Variants in PXDNL observed in about 807,000 individuals in gnomAD.
PXDNL encodes the protein peroxidasin like, also known as probable oxidoreductase PXDNL.
Under a neutral mutation model 150.8 loss-of-function variants are expected in PXDNL, and 145 were observed. The observed-to-expected ratio is 0.96, with a 90% CI of 0.84 to 1.10. PXDNL has a LOEUF of 1.10. Ranked by LOEUF, PXDNL falls within the 50% of genes least tolerant of loss-of-function variation. PXDNL has a pLI of 0.00. For missense variants in PXDNL, 2,087 were observed against 1,873.9 expected (o/e 1.11, Z -2.10); for synonymous variants, 757 against 725.7 (o/e 1.04, Z -0.69).
chr8:51,687,254 C>T (rs987743719), intron 1 of PXDNL, among the ~76,000 whole-genome samples: 8 of 152,112 alleles, frequency 5.3e-5, no homozygotes, highest in African/African-American at 1.7e-4. Context: ...TTGTCAACCA[C>T]CCTTCTCTAA....
At chr8:51,401,997 C>G (rs1808261259) in intron 17 of PXDNL, among the ~76,000 whole-genome samples, 1 of 152,082 alleles carries the variant, frequency 6.6e-6, no homozygotes, top group Admixed American at 6.5e-5. Flanking sequence ...GAAGGAAAAG[C>G]CAAGCCCACA....
rs1474281369 is a variant in PXDNL at position 51,340,429 on chromosome 8, A to G, written c.4017-676T>C. ...TGTATTGTTAAAAATATTTTTAGATAGATTTGATTTATTGGGTATGATATC... is the reference window on the plus strand; with the variant it reads ...TGTATTGTTAAAAATATTTTTAGATGGATTTGATTTATTGGGTATGATATC... On this transcript the variant is annotated intron_variant, in intron 20 of 22. Transcript: ENST00000356297. Among the ~76,000 whole-genome samples the G allele has an allele frequency of 2.6e-5, 4 of 152,230 alleles. No individual in the cohort carries two copies. The South Asian group carries it at 6.2e-4, about 24-fold the overall frequency.
intron 1 of PXDNL, among the ~76,000 whole-genome samples, chr8:51,757,861 TC>T (rs1753814964): frequency 6.6e-6 from 1 of 152,206 alleles, no homozygotes; most frequent in African/African-American, 2.4e-5. Context: ...ATTTTTGTCT[TC>T]TATTTCTAGC....
chr8:51,484,175 G>T (rs575565995), intron 5 of PXDNL, among the ~76,000 whole-genome samples: 3 of 151,926 alleles, frequency 2.0e-5, no homozygotes, highest in South Asian at 2.1e-4. Flanking sequence ...GGTGGCTCAC[G>T]CCTGTAATCC....
chr8:51,389,268 T>A (rs899069745), intron 17 of PXDNL, among the ~76,000 whole-genome samples: 10 of 152,176 alleles, frequency 6.6e-5, no homozygotes, highest in Admixed American at 6.5e-5. Context: ...GTTTTTCATG[T>A]TAATTTATCT....
rs1329510335 is a variant in PXDNL, at chr8:51,447,165, G to A, written c.1367-3C>T. ...GCCTTCCACAGGGAGCTGCCCTCCTGCAAAAAGAGGTAAAGAAAGTATTCT... is the reference window on the plus strand; with the variant it reads ...GCCTTCCACAGGGAGCTGCCCTCCTACAAAAAGAGGTAAAGAAAGTATTCT... On this transcript the variant is annotated splice_polypyrimidine_tract_variant and splice_region_variant and intron_variant, in intron 11 of 22. Coordinates refer to ENST00000356297, the MANE Select transcript of PXDNL (RefSeq NM_144651.5). 6 of 1,610,430 alleles carry A rather than the reference G, an allele frequency of 3.7e-6. No individual in the cohort carries two copies. Among genetic ancestry groups the A allele is most frequent in the African/African-American group, 1.3e-5 (1 of 74,614 alleles).
chr8:51,558,872 G>A (rs1208087431), intron 3 of PXDNL, among the ~76,000 whole-genome samples: 1 of 152,058 alleles, frequency 6.6e-6, no homozygotes, highest in Non-Finnish European at 1.5e-5. Context: ...TGAGATAGCA[G>A]AGTTTGCAGC....
chr8:51,589,390 T>C (rs1454607155), intron 3 of PXDNL, among the ~76,000 whole-genome samples: 2 of 152,166 alleles, frequency 1.3e-5, no homozygotes, highest in African/African-American at 4.8e-5. Flanking sequence ...AAACCCTAGA[T>C]TGCCATGAAC....
intron 1 of PXDNL, among the ~76,000 whole-genome samples, chr8:51,733,812 A>AATATATATATATATATATAT (rs9298461): frequency 2.6e-4 from 36 of 138,384 alleles, no homozygotes; most frequent in African/African-American, 9.2e-4. Context: ...TGTCTCAAAT[A>AATATATATATATATATATAT]ATATATATAT....
chr8:51,490,574 G>A (rs959797920), intron 5 of PXDNL, among the ~76,000 whole-genome samples: 20 of 150,528 alleles, frequency 1.3e-4, no homozygotes, highest in South Asian at 2.1e-4. Flanking sequence ...ATGAATGGAC[G>A]AAATATGTAT....
chr8:51,660,278 A>G (rs1413379514), intron 1 of PXDNL, among the ~76,000 whole-genome samples: 1 of 152,192 alleles, frequency 6.6e-6, no homozygotes, highest in Non-Finnish European at 1.5e-5. Context: ...TTGAAATACT[A>G]TGTGTAGCTG....
intron 8 of PXDNL, among the ~76,000 whole-genome samples, chr8:51,463,441 T>C (rs751259691): frequency 2.9e-4 from 44 of 152,170 alleles, no homozygotes; most frequent in Non-Finnish European, 1.3e-4. Context: ...AGATTTCTCA[T>C]GTAATTGGAA....
At chr8:51,363,071 C>T (rs1806804658) in intron 19 of PXDNL, among the ~76,000 whole-genome samples, 1 of 152,132 alleles carries the variant, frequency 6.6e-6, no homozygotes, top group Non-Finnish European at 1.5e-5. Context: ...CAGAATCAAG[C>T]CCAACATGAC....
chr8:51,337,175 G>A (rs1805853252), intron 21 of PXDNL, among the ~76,000 whole-genome samples: 1 of 152,004 alleles, frequency 6.6e-6, no homozygotes, highest in Non-Finnish European at 1.5e-5. Context: ...TGCAGTCTTG[G>A]GGTATGTTTA....
intron 3 of PXDNL, among the ~76,000 whole-genome samples, chr8:51,567,768 A>G (rs1469632033): frequency 2.6e-5 from 4 of 151,782 alleles, no homozygotes; most frequent in Non-Finnish European, 5.9e-5. Flanking sequence ...AAATCTGTAG[A>G]TGCTCAAGTT....
intron 2 of PXDNL, among the ~76,000 whole-genome samples, chr8:51,651,304 G>A (rs1439684391): frequency 3.9e-5 from 6 of 152,174 alleles, no homozygotes; most frequent in Non-Finnish European, 8.8e-5. Context: ...ACAGAGAAAC[G>A]TGAATGTGGC....
At chr8:51,612,688 G>A (rs1043601244) in intron 2 of PXDNL, among the ~76,000 whole-genome samples, 10 of 152,182 alleles carry the variant, frequency 6.6e-5, no homozygotes, top group African/African-American at 2.4e-4. Flanking sequence ...TTCCACCATG[G>A]GAGGACACAG....
At chr8:51,731,654 C>T (rs1816934757) in intron 1 of PXDNL, among the ~76,000 whole-genome samples, 1 of 152,242 alleles carries the variant, frequency 6.6e-6, no homozygotes, top group Admixed American at 6.5e-5. Flanking sequence ...CCCTGCAGCA[C>T]ACCTATGCCT....
At chr8:51,745,178 T>C (rs2036969490) in intron 1 of PXDNL, among the ~76,000 whole-genome samples, 1 of 152,200 alleles carries the variant, frequency 6.6e-6, no homozygotes, top group Non-Finnish European at 1.5e-5. Context: ...AAATACCAAG[T>C]GCCTATAAGA....
Sources: gnomAD v4.1 joint callset for allele counts (sites outside exome capture counted in the v4.1 genomes callset) on GRCh38, gnomAD v4.1.1 for gene constraint, MANE v1.5 for transcripts, NCBI Gene and HGNC (gene_info 2026-07-23, HGNC 2026-07-21) for gene names.